Variants in BPNT1 observed in about 807,000 individuals in gnomAD.
The protein encoded by BPNT1 is 3'(2'),5'-bisphosphate nucleotidase 1.
A neutral mutation model predicts 36.9 loss-of-function variants in BPNT1; 28 were observed. The ratio of observed to expected loss-of-function variants is 0.76; its 90% CI spans 0.56 to 1.04. The LOEUF is 1.04. BPNT1 is among the 50% of genes least tolerant of loss of function. BPNT1 has a pLI of 0.00. For synonymous variants in BPNT1, 119 were observed against 130.9 expected, an observed-to-expected ratio of 0.91 and a Z score of 0.62; for missense variants, 313 against 372.9, an observed-to-expected ratio of 0.84 and a Z score of 1.32.
At chr1:220,079,345 C>T (rs1470816982) in intron 2 of BPNT1, among the ~76,000 whole-genome samples, 126 of 152,002 alleles carry the variant, frequency 8.3e-4, no homozygotes, top group Non-Finnish European at 1.5e-4. Flanking sequence ...CTCTGCCTCC[C>T]GGGTTCAAGC....
intron 1 of BPNT1, among the ~76,000 whole-genome samples, chr1:220,081,980 A>C (rs72747325): frequency 0.14 from 21,429 of 150,248 alleles, 1,969 homozygotes; most frequent in Admixed American, 0.22. Context: ...ATGGGGAATT[A>C]ACCTGTGACA....
At chr1:220,087,774 A>G (rs994985258) in intron 1 of BPNT1, among the ~76,000 whole-genome samples, 2 of 152,190 alleles carry the variant, frequency 1.3e-5, no homozygotes, top group African/African-American at 4.8e-5. Context: ...TACAAAGAGA[A>G]AAGCACTGGC....
intron 1 of BPNT1, among the ~76,000 whole-genome samples, chr1:220,081,759 TTCCTACCCCAA>T (rs1655150321): frequency 6.6e-6 from 1 of 151,840 alleles, no homozygotes; most frequent in Admixed American, 6.6e-5. Context: ...TAAAGGCCAT[TTCCTACCCCAA>T]GTGGGCTACC....
intron 1 of BPNT1, among the ~76,000 whole-genome samples, chr1:220,087,030 G>C (rs1460588059): frequency 1.4e-5 from 2 of 140,026 alleles, no homozygotes; most frequent in Non-Finnish European, 3.0e-5. Flanking sequence ...CTGGGCGACA[G>C]AGCAAGACTC....
At chr1:220,059,644 T>C in intron 8 of BPNT1, 42 bp downstream of exon 8, 1 of 1,380,690 alleles carries the variant, frequency 7.2e-7, no homozygotes, top group Non-Finnish European at 1.0e-6. Context: ...CATGATATAA[T>C]TGTAGAAAAA....
At chr1:220,066,389 A>G (rs183709270) in intron 6 of BPNT1, among the ~76,000 whole-genome samples, 27 of 152,336 alleles carry the variant, frequency 1.8e-4, no homozygotes, top group African/African-American at 6.0e-4. Flanking sequence ...TCAATAACAT[A>G]TAACTCTTTT....
Position 220,072,907 on chromosome 1 carries a change from C to T in BPNT1, c.276G>A (p.Trp92Ter). 1 of 1,614,066 alleles carries T rather than the reference C, an allele frequency of 6.2e-7. No individual in the cohort carries two copies. Among genetic ancestry groups the T allele is most frequent in the Non-Finnish European group, 8.5e-7 (1 of 1,180,002 alleles). Residue 92 changes from tryptophan (W) to a stop codon, truncating the protein, a stop_gained, in exon 4 of 9, where the codon TGG (tryptophan) becomes TGA (stop). Transcript: ENST00000322067. LOFTEE classifies it high-confidence loss of function. ...VDQELIEDSQ[W>*]EEILKQPCPS... ...GGCATGGTTGCTTCAGTATTTCTTC[C>T]CACTGACTGTCTTCAATCAGCTCTT...
At chr1:220,079,629 A>G in intron 2 of BPNT1, 98 bp downstream of exon 2, 1 of 1,468,006 alleles carries the variant, frequency 6.8e-7, no homozygotes, top group Non-Finnish European at 9.4e-7. Context: ...GCCATCAATT[A>G]TTTTAACTGA....
At chr1:220,088,530 G>A (rs1450250560) in intron 1 of BPNT1, among the ~76,000 whole-genome samples, 1 of 148,140 alleles carries the variant, frequency 6.8e-6, no homozygotes, top group Non-Finnish European at 1.5e-5. Flanking sequence ...GCTCACACCC[G>A]TAATCCTAGA....
chr1:220,067,860 G>A (rs1449433692), intron 5 of BPNT1, among the ~76,000 whole-genome samples: 1 of 152,138 alleles, frequency 6.6e-6, no homozygotes, highest in Non-Finnish European at 1.5e-5. Context: ...ATCTTCTCAG[G>A]CTCCTTCCCA....
At chr1:220,084,224 C>T (rs1452600450) in intron 1 of BPNT1, among the ~76,000 whole-genome samples, 3 of 151,360 alleles carry the variant, frequency 2.0e-5, no homozygotes, top group Non-Finnish European at 2.9e-5. Flanking sequence ...CCCAGCTACT[C>T]GGGAGGCTGA....
intron 1 of BPNT1, among the ~76,000 whole-genome samples, chr1:220,082,085 TAGAGAGAGAGAG>T (rs3055555): frequency 8.0e-4 from 83 of 103,280 alleles, no homozygotes; most frequent in African/African-American, 3.1e-3. Flanking sequence ...TATATATATA[TAGAGAGAGAGAG>T]AGAGAGAGAG....
chr1:220,073,925 G>T, intron 3 of BPNT1, 42 bp downstream of exon 3: 1 of 1,516,640 alleles, frequency 6.6e-7, no homozygotes, highest in South Asian at 1.1e-5. Context: ...AAATCCATTT[G>T]GTAAACAGAG....
intron 1 of BPNT1, 80 bp downstream of exon 1, chr1:220,089,606 C>T (rs1656114580): frequency 6.6e-6 from 1 of 152,216 alleles, no homozygotes; most frequent in South Asian, 2.1e-4. Context: ...TCACATAAAC[C>T]TTTTTCGTTT....
intron 6 of BPNT1, among the ~76,000 whole-genome samples, chr1:220,065,237 G>A (rs1032572492): frequency 2.0e-5 from 3 of 152,186 alleles, no homozygotes; most frequent in Non-Finnish European, 2.9e-5. Context: ...TAGGCAAAAA[G>A]GATGGGATCA....
rs1299777661 is a variant in BPNT1, at chr1:220,067,924, A to C, written c.383-531T>G. 3.3e-5 allele frequency among the ~76,000 whole-genome samples: 5 copies of C among 152,280 alleles called. No homozygotes were observed. In the South Asian group the frequency reaches 1.0e-3, roughly 32 times the overall value. On this transcript the variant is annotated intron_variant, in intron 5 of 8. Coordinates refer to ENST00000322067, the MANE Select transcript of BPNT1 (RefSeq NM_006085.6). ...GGGACAAGACCTAAATAAGCTTTCT[A>C]GGTGCTTTTATACACATTAAAGTTG...
At position 220,076,701 on chromosome 1, in the gene BPNT1, TTAA is replaced by T. The variant is rs144111730; in HGVS notation, c.121-2633_121-2631del. 9.1e-3 allele frequency among the ~76,000 whole-genome samples: 1,317 copies of T among 144,148 alleles called. 16 individuals are homozygous for T. Among genetic ancestry groups the T allele is most frequent in the African/African-American group, 0.027 (1,065 of 39,674 alleles). 94.6% of individuals were successfully genotyped at this position (144,148 alleles called of 152,430 possible). A position where few individuals can be genotyped will look rare whatever the true frequency, so the allele number is the denominator to read the frequency against. ...ACTCCTTCTTAAAAAAAAAAATAAA[TTAA>T]TAATAATAATAATAATAATAATAAT... On this transcript the variant is annotated intron_variant, in intron 2 of 8. Transcript: ENST00000322067.
rs146232522 is a variant in BPNT1, at chr1:220,069,561, T to A, written c.334-129A>T. The A allele has an allele frequency of 6.3e-4, 388 of 619,160 alleles. No individual in the cohort carries two copies. The African/African-American group carries it at 6.3e-3, about 10-fold the overall frequency. The allele number at this position is 619,160 out of a possible 1,614,324, so 38.4% of individuals were successfully genotyped here. A position where few individuals can be genotyped will look rare whatever the true frequency, so the allele number is the denominator to read the frequency against. On this transcript the variant is annotated intron_variant, in intron 4 of 8. Transcript: ENST00000322067. ...GTATTATGGATGGCTTAAATTAATG[T>A]CATCTGTTTTGAGATAGTACAAAAA...
chr1:220,072,810 C>G (rs1204043294), intron 4 of BPNT1, 40 bp downstream of exon 4: 3 of 1,523,492 alleles, frequency 2.0e-6, no homozygotes, highest in Admixed American at 1.7e-5. Context: ...TGGCAAAAAG[C>G]CCAGGTTAAT....
Sources: allele counts gnomAD v4.1 joint callset (sites outside exome capture counted in the v4.1 genomes callset), GRCh38; gene constraint gnomAD v4.1.1; transcripts MANE v1.5; gene names NCBI Gene and HGNC (gene_info 2026-07-23, HGNC 2026-07-21).